Variants in REXO2 observed in about 807,000 individuals in gnomAD.
REXO2 encodes oligoribonuclease, mitochondrial.
Under a neutral mutation model 30.9 loss-of-function variants are expected in REXO2, and 17 were observed. The observed-to-expected ratio is 0.55, with a 90% CI of 0.38 to 0.82. REXO2 has a LOEUF of 0.82. REXO2 is among the 40% of genes least tolerant of loss of function. The pLI, the probability that REXO2 is intolerant of heterozygous loss-of-function variation, is 0.00. For synonymous variants in REXO2, 105 were observed against 99.6 expected, an observed-to-expected ratio of 1.05 and a Z score of -0.32; for missense variants, 253 against 293.2, an observed-to-expected ratio of 0.86 and a Z score of 1.00.
chr11:114,442,707 TTTA>T (rs1471480389), intron 2 of REXO2, among the ~76,000 whole-genome samples: 1 of 152,118 alleles, frequency 6.6e-6, no homozygotes, highest in African/African-American at 2.4e-5. Flanking sequence ...AGGGGTACAG[TTTA>T]TTATTATCAC....
At chr11:114,439,713 AGGT>A in intron 1 of REXO2, 38 bp downstream of exon 1, 1 of 1,443,728 alleles carries the variant, frequency 6.9e-7, no homozygotes, top group South Asian at 1.4e-5. Flanking sequence ...GAGGCGAGTG[AGGT>A]TTCGCTCGTG....
intron 3 of REXO2, 125 bp from the exon 4 acceptor site, chr11:114,444,416 G>A: frequency 1.4e-6 from 1 of 703,340 alleles, no homozygotes; most frequent in Non-Finnish European, 2.5e-6. Flanking sequence ...TTGAACTTGA[G>A]CTCTAAAAAT....
Position 114,444,607 on chromosome 11 carries a change from TC to T in REXO2, c.378del (p.Phe127LeufsTer33), listed in dbSNP as rs765571272. 7 of 1,611,190 alleles carry T rather than the reference TC, an allele frequency of 4.3e-6. No individual in the cohort carries two copies. In the South Asian group the frequency reaches 7.7e-5, roughly 18 times the overall value. ...TLQQAEYEFLSFVRQQTPPGL... is the reference protein window; with the variant it reads ...TLQQAEYEFLXFVRQQTPPGL... The stretch of plus-strand genomic sequence containing the variant: ...GCAGCAGGCAGAGTATGAATTTCTG[TC>T]CTTTGTACGACAGCAGACTCCTCCA... On this transcript the variant is annotated frameshift_variant, in exon 4 of 7. Transcript: ENST00000265881. LOFTEE classifies it high-confidence loss of function.
At chr11:114,446,709 A>C (rs1052952261) in intron 5 of REXO2, among the ~76,000 whole-genome samples, 2 of 152,200 alleles carry the variant, frequency 1.3e-5, no homozygotes, top group African/African-American at 4.8e-5. Flanking sequence ...AAATGTGTTA[A>C]ATGAATCCCA....
intron 2 of REXO2, chr11:114,440,991 T>TA (rs1946473689): frequency 2.7e-6 from 1 of 368,460 alleles, no homozygotes. Context: ...TTCTGTCGTT[T>TA]ACTGAGCGCT....
chr11:114,448,390 A>T (rs1946524542), intron 6 of REXO2, among the ~76,000 whole-genome samples: 1 of 152,116 alleles, frequency 6.6e-6, no homozygotes, highest in Non-Finnish European at 1.5e-5. Flanking sequence ...CTTTCAGGAG[A>T]AACATGAAAC....
chr11:114,440,782 C>A (rs747060276), intron 2 of REXO2, 43 bp downstream of exon 2: 1 of 1,374,018 alleles, frequency 7.3e-7, no homozygotes, highest in Non-Finnish European at 1.0e-6. Context: ...TTAAAGGGCA[C>A]TGGAAATATA....
In REXO2 at chr11:114,449,941, T is replaced by C. The variant is rs775821721; in HGVS notation, c.680T>C (p.Ile227Thr). The C allele has an allele frequency of 4.4e-5, 71 of 1,608,594 alleles. No individual in the cohort carries two copies. The highest frequency in any genetic ancestry group is 6.7e-5 in the African/African-American group (5 of 74,584). ...KKIDEKKRKI[I>T]ENGENEKTVS ...ATAGATGAAAAGAAGAGGAAAATTA[T>C]AGAAAATGGGGAAAATGAGAAGACC... Residue 227 changes from isoleucine to threonine, a missense_variant, in exon 7 of 7, where the codon ATA becomes ACA. Ile to Thr is a moderately conservative substitution (Grantham distance 89). Transcript: ENST00000265881.
At chr11:114,445,949 A>C in intron 4 of REXO2, 30 bp from the exon 5 acceptor site, 123 of 1,095,888 alleles carry the variant, frequency 1.1e-4, no homozygotes, top group Non-Finnish European at 1.5e-4. Flanking sequence ...CTAGAAATAT[A>C]GAGATGCAGT....
chr11:114,440,152 G>A (rs1478582296), intron 1 of REXO2: 1 of 462,684 alleles, frequency 2.2e-6, no homozygotes, highest in Non-Finnish European at 4.3e-6. Flanking sequence ...TCAAGGTCGT[G>A]CTGTTAGTGA....
intron 1 of REXO2, chr11:114,440,284 C>A: frequency 2.6e-6 from 1 of 380,530 alleles, no homozygotes; most frequent in Non-Finnish European, 5.1e-6. Flanking sequence ...AGTAGTTTTT[C>A]CATTAGATTG....
chr11:114,447,550 G>C (rs1446806546), intron 5 of REXO2, among the ~76,000 whole-genome samples: 1 of 152,084 alleles, frequency 6.6e-6, no homozygotes, highest in Non-Finnish European at 1.5e-5. Context: ...TTTAGATGGA[G>C]ATATCTAGTG....
chr11:114,442,581 G>C (rs1175019358), intron 2 of REXO2, among the ~76,000 whole-genome samples: 1 of 152,086 alleles, frequency 6.6e-6, no homozygotes, highest in Non-Finnish European at 1.5e-5. Flanking sequence ...ATTGTGAACT[G>C]TTTTTACCAC....
In REXO2 at chr11:114,447,946, T is replaced by C. The variant is rs908872683; in HGVS notation, c.584+67T>C. On this transcript the variant is annotated intron_variant, in intron 6 of 6. Coordinates refer to ENST00000265881, the MANE Select transcript of REXO2 (RefSeq NM_015523.4). The stretch of plus-strand genomic sequence containing the variant: ...ACTTAACTCCCAAATTCCTGACTGC[T>C]TGAAATAATGTCCCTTAACTCTTTT... The C allele has an allele frequency of 4.2e-6, 5 of 1,198,876 alleles. No homozygotes were observed. In the African/African-American group the frequency reaches 6.1e-5, roughly 15 times the overall value. 74.3% of individuals were successfully genotyped at this position (1,198,876 alleles called of 1,614,324 possible).
At chr11:114,441,883 A>G (rs2134782835) in intron 2 of REXO2, 2 of 632,626 alleles carry the variant, frequency 3.2e-6, no homozygotes, top group East Asian at 2.8e-5. Context: ...CTTTGTATAA[A>G]TAAAGCCCTG....
At chr11:114,449,443 AT>A (rs1252454637) in intron 6 of REXO2, among the ~76,000 whole-genome samples, 1 of 27,200 alleles carries the variant, frequency 3.7e-5, no homozygotes, top group Non-Finnish European at 6.2e-5. Flanking sequence ...AAATTAATAA[AT>A]TAGAAATATA....
intron 4 of REXO2, chr11:114,445,731 G>T: frequency 2.7e-6 from 1 of 365,538 alleles, no homozygotes; most frequent in Non-Finnish European, 5.0e-6. Context: ...TGGAATGATA[G>T]ATTTGTCCTT....
chr11:114,444,475 C>T, intron 3 of REXO2, 66 bp from the exon 4 acceptor site: 1 of 1,133,596 alleles, frequency 8.8e-7, no homozygotes, highest in Non-Finnish European at 1.3e-6. Context: ...AATTTCATTT[C>T]TGGATGCCTT....
chr11:114,449,099 TG>T (rs1946529887), intron 6 of REXO2: 1 of 152,248 alleles, frequency 6.6e-6, no homozygotes, highest in Non-Finnish European at 1.5e-5. Flanking sequence ...CTAATAATCT[TG>T]GTTACCTGAT....
Sources: allele counts gnomAD v4.1 joint callset (sites outside exome capture counted in the v4.1 genomes callset), GRCh38; gene constraint gnomAD v4.1.1; transcripts MANE v1.5; gene names NCBI Gene and HGNC (gene_info 2026-07-23, HGNC 2026-07-21).